The following CEP295 variants were observed in gnomAD, a reference collection of about 807,000 sequenced individuals.
CEP295 encodes centrosomal protein of 295 kDa.
CEP295 carries 190 observed loss-of-function variants against 291.6 expected under a neutral mutation model. That is an observed-to-expected ratio of 0.65 (90% confidence interval 0.58 to 0.73). The LOEUF (loss-of-function observed/expected upper bound fraction) is 0.73. Among genes scored for constraint, CEP295 ranks in the 30% least tolerant of loss-of-function variants. The pLI is 0.00. For synonymous variants in CEP295, 993 were observed against 1,038.8 expected (o/e 0.96, Z 0.85); for missense variants, 2,863 against 2,949.4 (o/e 0.97, Z 0.68).
chr11:93,728,130 T>G (rs2135363433), intron 24 of CEP295: 1 of 155,414 alleles, frequency 6.4e-6, no homozygotes, highest in South Asian at 2.0e-4. Context: ...CTGCTTGCTT[T>G]CAACACCAGT....
In CEP295 at chr11:93,721,970, A is replaced by G; in HGVS notation, c.5867A>G (p.Tyr1956Cys). ...AATTTCTAGGCTAAAACACTGTCTT[A>G]TGAACCATTATCTTCAGCAACTGTT... The part of the protein sequence containing the change: ...KPDDKAKTLS[Y>C]EPLSSATVST... The change falls in exon 20 of 30, where the codon TAT becomes TGT. Residue 1956 changes from tyrosine (Y) to cysteine (C), a missense_variant. This residue lies in a region of CEP295 where 2,295 missense variants were observed against 2,335.7 expected (regional missense o/e 0.98). Transcript: ENST00000325212. 1 of 1,605,616 alleles carries G rather than the reference A, an allele frequency of 6.2e-7. No homozygotes were observed. Among genetic ancestry groups the G allele is most frequent in the Non-Finnish European group, 8.5e-7 (1 of 1,174,488 alleles).
At position 93,721,356 on chromosome 11, in the gene CEP295, T is replaced by G. The variant is rs1953698556; in HGVS notation, c.5794T>G (p.Tyr1932Asp). Residue 1932 changes from tyrosine (Y) to aspartate (D), a missense_variant, in exon 19 of 30, where the codon TAT (tyrosine) becomes GAT (aspartate). Tyr to Asp is a radical substitution (Grantham distance 160, BLOSUM62 -3). This residue lies in a region of CEP295 where 2,295 missense variants were observed against 2,335.7 expected (regional missense o/e 0.98). Coordinates refer to ENST00000325212, the MANE Select transcript of CEP295 (RefSeq NM_033395.2). ...TGTTGAAAATCATGCAGTGTTAAGTTATGCTGTGGAGGAAGAACATGCATA... is the reference window on the plus strand; with the variant it reads ...TGTTGAAAATCATGCAGTGTTAAGTGATGCTGTGGAGGAAGAACATGCATA... ...SVVENHAVLS[Y>D]AVEEEHAYLG... 1 of 1,561,728 alleles carries G rather than the reference T, an allele frequency of 6.4e-7. No homozygotes were observed. The highest frequency in any genetic ancestry group is 1.9e-5 in the Admixed American group (1 of 51,824).
rs953909998 is a variant in CEP295 at position 93,675,638 on chromosome 11, T to C, written c.596T>C (p.Phe199Ser). ...TCTACCTACCATCATCTTCACACTT[T>C]TGTGAATAGAGAGACAGACACAAAA... ...NSSTYHHLHT[F>S]VNRETDTKRP... The change falls in exon 6 of 30, where the codon TTT becomes TCT. Residue 199 changes from phenylalanine (F) to serine (S), a missense_variant. Phe to Ser is a radical substitution (Grantham distance 155, BLOSUM62 -2). Around this residue, in one of 3 missense-constraint regions of CEP295, gnomAD observed 554 missense variants for 576.0 expected, o/e 0.96. Transcript: ENST00000325212. 2.0e-6 allele frequency: 3 copies of C among 1,505,196 alleles called. No homozygotes were observed. Among genetic ancestry groups the C allele is most frequent in the African/African-American group, 2.8e-5 (2 of 70,544 alleles). The allele number at this position is 1,505,196 out of a possible 1,614,324, so 93.2% of individuals were successfully genotyped here. A position where few individuals can be genotyped will look rare whatever the true frequency, so the allele number is the denominator to read the frequency against.
chr11:93,711,549 C>T (rs931007126), intron 18 of CEP295, among the ~76,000 whole-genome samples: 3 of 152,152 alleles, frequency 2.0e-5, no homozygotes, highest in African/African-American at 7.2e-5. Flanking sequence ...GTCATCCAGG[C>T]TGGAGTGCAG....
chr11:93,675,424 A>G (rs1041200262), intron 5 of CEP295, 147 bp from the exon 6 acceptor site: 4 of 445,068 alleles, frequency 9.0e-6, no homozygotes, highest in Non-Finnish European at 8.0e-6. Flanking sequence ...ATTTAACTCA[A>G]AAAATTTGAT....
intron 25 of CEP295, 65 bp downstream of exon 25, chr11:93,728,886 A>C (rs923983633): frequency 7.9e-6 from 11 of 1,393,038 alleles, no homozygotes; most frequent in South Asian, 1.4e-5. Flanking sequence ...GTCTCTTACA[A>C]CTTATCAGAA....
At chr11:93,710,121 C>A (rs951294158) in intron 18 of CEP295, among the ~76,000 whole-genome samples, 1 of 152,056 alleles carries the variant, frequency 6.6e-6, no homozygotes, top group African/African-American at 2.4e-5. Flanking sequence ...CTCTTTATTT[C>A]CTTGTCTTGT....
rs772727986 is a variant in CEP295, at chr11:93,695,615, A to G, written c.1652A>G (p.Lys551Arg). The part of the protein sequence containing the change: ...FRAQLEEEKR[K>R]KTQPTGVGIA... Reference sequence around the variant, plus strand: ...GCTCAGCTGGAAGAAGAAAAAAGAAAAAAAACTCAACCGACTGGGGTAGGA... The same window carrying G: ...GCTCAGCTGGAAGAAGAAAAAAGAAGAAAAACTCAACCGACTGGGGTAGGA... Residue 551 changes from lysine to arginine, a missense_variant, in exon 13 of 30, where the codon AAA becomes AGA. This residue lies in a region of CEP295 where 2,295 missense variants were observed against 2,335.7 expected (regional missense o/e 0.98). Transcript: ENST00000325212. 11 of 1,495,222 alleles carry G rather than the reference A, an allele frequency of 7.4e-6. No individual in the cohort carries two copies. Among genetic ancestry groups the G allele is most frequent in the Non-Finnish European group, 8.8e-6 (10 of 1,131,308 alleles). 92.6% of individuals were successfully genotyped at this position (1,495,222 alleles called of 1,614,324 possible).
intron 1 of CEP295, among the ~76,000 whole-genome samples, chr11:93,665,527 G>A (rs1590952308): frequency 6.6e-6 from 1 of 152,244 alleles, no homozygotes; most frequent in East Asian, 1.9e-4. Flanking sequence ...GGCCAACATG[G>A]TGAACCCCTG....
At chr11:93,719,333 T>A (rs1953521043) in intron 18 of CEP295, among the ~76,000 whole-genome samples, 1 of 151,222 alleles carries the variant, frequency 6.6e-6, no homozygotes, top group Admixed American at 6.6e-5. Context: ...AGTGGTGCCA[T>A]TATAGCTCAT....
intron 17 of CEP295, 78 bp from the exon 18 acceptor site, chr11:93,706,667 C>T: frequency 8.1e-7 from 1 of 1,227,166 alleles, no homozygotes; most frequent in Non-Finnish European, 1.1e-6. Flanking sequence ...AGATTTCTAC[C>T]CATAATATAA....
chr11:93,679,669 T>G, intron 7 of CEP295, 117 bp downstream of exon 7: 1 of 722,772 alleles, frequency 1.4e-6, no homozygotes, highest in East Asian at 3.2e-5. Flanking sequence ...ATATAGTCTC[T>G]GATTCATATG....
rs551928069 is a variant in CEP295 at position 93,689,416 on chromosome 11, C to T, written c.1336+1551C>T. 2.1e-4 allele frequency among the ~76,000 whole-genome samples: 32 copies of T among 152,328 alleles called. No homozygotes were observed. The South Asian group carries it at 5.0e-3, about 24-fold the overall frequency. On this transcript the variant is annotated intron_variant, in intron 10 of 29. Coordinates refer to ENST00000325212, the MANE Select transcript of CEP295 (RefSeq NM_033395.2). The stretch of plus-strand genomic sequence containing the variant: ...TCTGCACTGTAGATGCCAGCTTGCT[C>T]GCTGTTTCTCAGACAGCAAACATAG...
At position 93,696,698 on chromosome 11, in the gene CEP295, GTTGAA is replaced by G. The variant is rs1565178171; in HGVS notation, c.1787_1791del (p.Val596AspfsTer8). 1.3e-6 allele frequency: 2 copies of G among 1,548,318 alleles called. No homozygotes were observed. The highest frequency in any genetic ancestry group is 1.7e-6 in the Non-Finnish European group (2 of 1,145,360). ...TTTTGGTAGGTTACACAGGCAGTCTGTTGAAACAGCCAGGAAACAATTACTTGAAT... is the reference window on the plus strand; with the variant it reads ...TTTTGGTAGGTTACACAGGCAGTCTGACAGCCAGGAAACAATTACTTGAAT... On this transcript the variant is annotated frameshift_variant, in exon 15 of 30. Coordinates refer to ENST00000325212, the MANE Select transcript of CEP295 (RefSeq NM_033395.2). LOFTEE classifies it high-confidence loss of function.
rs1170673442 is a variant in CEP295 at position 93,728,838 on chromosome 11, CTT to C, written c.7302+18_7302+19del. On this transcript the variant is annotated intron_variant, in intron 25 of 29. Transcript: ENST00000325212. ...TTCTTTCAGGTAAATTTAAGCTTTCCTTCTATTTTATTCTATTACAAGCAAAC... is the reference window on the plus strand; with the variant it reads ...TTCTTTCAGGTAAATTTAAGCTTTCCCTATTTTATTCTATTACAAGCAAAC... The C allele has an allele frequency of 6.5e-7, 1 of 1,529,190 alleles. No homozygotes were observed. The highest frequency in any genetic ancestry group is 2.5e-5 in the East Asian group (1 of 40,710). The allele number at this position is 1,529,190 out of a possible 1,614,324, so 94.7% of individuals were successfully genotyped here. A position where few individuals can be genotyped will look rare whatever the true frequency, so the allele number is the denominator to read the frequency against.
chr11:93,723,121 A>G lies in CEP295; in HGVS notation c.6028A>G (p.Ile2010Val), dbSNP rs1217116219. The change falls in exon 21 of 30, where the codon ATA becomes GTA. Residue 2010 changes from isoleucine (I) to valine (V), a missense_variant. Physicochemically the swap from Ile to Val is conservative, Grantham distance 29. Around this residue, in one of 3 missense-constraint regions of CEP295, gnomAD observed 2,295 missense variants for 2,335.7 expected, o/e 0.98. Coordinates refer to ENST00000325212, the MANE Select transcript of CEP295 (RefSeq NM_033395.2). ...AGAGGAAACAAATATTATAAGTTCC[A>G]TAGTTCCTTCAACACAAGATATTTA... Reference protein sequence around the residue: ...KEEETNIISSIVPSTQDIYQR... With the variant: ...KEEETNIISSVVPSTQDIYQR... The G allele has an allele frequency of 1.9e-6, 3 of 1,551,920 alleles. No individual in the cohort carries two copies. The highest frequency in any genetic ancestry group is 1.2e-5 in the South Asian group (1 of 84,062).
chr11:93,679,606 G>GTGAAT, intron 7 of CEP295, 54 bp downstream of exon 7: 3 of 1,472,588 alleles, frequency 2.0e-6, no homozygotes, highest in Non-Finnish European at 2.8e-6. Context: ...TAATAGCATT[G>GTGAAT]CAGGACTGAT....
rs1051874011 is a variant in CEP295 at position 93,729,374 on chromosome 11, A to G, written c.7303-60A>G. 6 of 1,158,434 alleles carry G rather than the reference A, an allele frequency of 5.2e-6. No homozygotes were observed. The African/African-American group carries it at 9.0e-5, about 17-fold the overall frequency. The allele number at this position is 1,158,434 out of a possible 1,614,324, so 71.8% of individuals were successfully genotyped here. On this transcript the variant is annotated intron_variant, in intron 25 of 29. Coordinates refer to ENST00000325212, the MANE Select transcript of CEP295 (RefSeq NM_033395.2). The stretch of plus-strand genomic sequence containing the variant: ...TGCCGCTGCACTCTAATCTGACAGC[A>G]GAGCAAGACCCGCTTAAAGCGTTTA...
rs1952228947 is a variant in CEP295 at position 93,702,464 on chromosome 11, G to C, written c.5279G>C (p.Ser1760Thr). 1 of 1,525,674 alleles carries C rather than the reference G, an allele frequency of 6.6e-7. No individual in the cohort carries two copies. The highest frequency in any genetic ancestry group is 1.4e-5 in the African/African-American group (1 of 71,718). 94.5% of individuals were successfully genotyped at this position (1,525,674 alleles called of 1,614,324 possible). The change falls in exon 16 of 30, where the codon AGT becomes ACT. Residue 1760 changes from serine to threonine, a missense_variant. Ser to Thr is a moderately conservative substitution (Grantham distance 58, BLOSUM62 1). This residue lies in a region of CEP295 where 2,295 missense variants were observed against 2,335.7 expected (regional missense o/e 0.98). Transcript: ENST00000325212. Reference protein sequence around the residue: ...LKDFFKDSQISKPTVENDLKT... With the variant: ...LKDFFKDSQITKPTVENDLKT... ...CCCTCATCTCCACTTTTTCAGATAA[G>C]TAAGCCCACAGTTGAAAATGATTTA... is the stretch of plus-strand genomic sequence containing the variant.
Sources: allele counts gnomAD v4.1 joint callset (sites outside exome capture counted in the v4.1 genomes callset), GRCh38; gene constraint gnomAD v4.1.1; regional missense constraint gnomAD v4.1.1; transcripts MANE v1.5; gene names NCBI Gene and HGNC (gene_info 2026-07-23, HGNC 2026-07-21).